The following CENPE variants were observed in gnomAD, a reference collection of about 807,000 sequenced individuals.
CENPE encodes the protein centromere-associated protein E.
Under a neutral mutation model 336.1 loss-of-function variants are expected in CENPE, and 145 were observed. The ratio of observed to expected loss-of-function variants is 0.43; its 90% confidence interval spans 0.38 to 0.50. CENPE has a LOEUF of 0.50. CENPE is among the 20% of genes least tolerant of loss of function. CENPE has a pLI of 0.00. For missense variants in CENPE, 2,719 were observed against 3,023.3 expected, an observed-to-expected ratio of 0.90 and a Z score of 2.36; for synonymous variants, 1,013 against 984.8, an observed-to-expected ratio of 1.03 and a Z score of -0.54.
intron 21 of CENPE, among the ~76,000 whole-genome samples, chr4:103,159,787 C>A (rs1396627990): frequency 1.3e-5 from 2 of 150,832 alleles, no homozygotes; most frequent in African/African-American, 4.9e-5. Context: ...GTGGTATGGT[C>A]CATGAAAAAA....
intron 25 of CENPE, among the ~76,000 whole-genome samples, chr4:103,151,865 T>G (rs1487611770): frequency 6.6e-6 from 1 of 152,168 alleles, no homozygotes; most frequent in Non-Finnish European, 1.5e-5. Context: ...CACAAAAACA[T>G]AACAAGCCAG....
At chr4:103,181,263 T>G (rs1756305123) in intron 12 of CENPE, 74 bp downstream of exon 12, 1 of 1,073,886 alleles carries the variant, frequency 9.3e-7, no homozygotes, top group Non-Finnish European at 1.3e-6. Context: ...GAATGAAGAG[T>G]CTCTGAGCAT....
At chr4:103,124,393 T>A (rs573029787) in intron 42 of CENPE, among the ~76,000 whole-genome samples, 49 of 152,368 alleles carry the variant, frequency 3.2e-4, no homozygotes, top group African/African-American at 1.1e-3. Context: ...ATCTGCAAGA[T>A]GATAATCTCA....
chr4:103,130,455 T>C (rs1478370923), intron 42 of CENPE, among the ~76,000 whole-genome samples: 1 of 152,102 alleles, frequency 6.6e-6, no homozygotes, highest in African/African-American at 2.4e-5. Context: ...TAGGCAAATC[T>C]AACAAATATG....
At chr4:103,128,268 T>C (rs546772794) in intron 42 of CENPE, among the ~76,000 whole-genome samples, 1 of 152,272 alleles carries the variant, frequency 6.6e-6, no homozygotes, top group South Asian at 2.1e-4. Context: ...TTAAAATACT[T>C]GAGGCAAAAA....
intron 40 of CENPE, among the ~76,000 whole-genome samples, chr4:103,135,553 C>T (rs1015615754): frequency 2.6e-5 from 4 of 152,098 alleles, no homozygotes; most frequent in African/African-American, 9.7e-5. Flanking sequence ...TTGTCCTCTC[C>T]AGCCCTGTGA....
Position 103,106,189 on chromosome 4 carries a change from T to A in CENPE, c.*33A>T, listed in dbSNP as rs371147610. 7.2e-7 allele frequency: 1 copy of A among 1,390,628 alleles called. No individual in the cohort carries two copies. The highest frequency in any genetic ancestry group is 9.8e-7 in the Non-Finnish European group (1 of 1,016,898). 86.1% of individuals were successfully genotyped at this position (1,390,628 alleles called of 1,614,324 possible). ...AACAAAGTCATTTCCAAATAAGGAA[T>A]GCTGGATCTCCAGAGAAGTGACAAA... On this transcript the variant is annotated 3_prime_UTR_variant, in exon 49 of 49. Coordinates refer to ENST00000265148, the MANE Select transcript of CENPE (RefSeq NM_001813.3).
chr4:103,190,989 T>C (rs1245538780), intron 8 of CENPE, among the ~76,000 whole-genome samples: 2 of 148,272 alleles, frequency 1.3e-5, no homozygotes, highest in Non-Finnish European at 3.0e-5. Flanking sequence ...GGGCGAAGGA[T>C]ATGAACAGAC....
At chr4:103,186,819 C>T (rs763242594) in intron 8 of CENPE, among the ~76,000 whole-genome samples, 2 of 152,074 alleles carry the variant, frequency 1.3e-5, no homozygotes, top group Non-Finnish European at 1.5e-5. Flanking sequence ...CATTAAGCTG[C>T]GATCTGAATG....
At chr4:103,159,362 A>G (rs1754237854) in intron 21 of CENPE, 38 bp from the exon 22 acceptor site, 1 of 1,191,980 alleles carries the variant, frequency 8.4e-7, no homozygotes, top group Admixed American at 3.6e-5. Flanking sequence ...TGTTAGCAAC[A>G]TATGATTCAC....
chr4:103,108,660 TAC>T, intron 48 of CENPE, 141 bp downstream of exon 48: 1 of 793,060 alleles, frequency 1.3e-6, no homozygotes, highest in Non-Finnish European at 2.0e-6. Context: ...TCAACTTTCT[TAC>T]AGAGTCAGCA....
chr4:103,126,469 T>C (rs901835496), intron 42 of CENPE, among the ~76,000 whole-genome samples: 1 of 152,132 alleles, frequency 6.6e-6, no homozygotes, highest in Non-Finnish European at 1.5e-5. Flanking sequence ...GCCACTACAT[T>C]ACTAAAGGCC....
At chr4:103,113,621 G>T in intron 46 of CENPE, among the ~76,000 whole-genome samples, 2 of 141,276 alleles carry the variant, frequency 1.4e-5, no homozygotes, top group South Asian at 2.2e-4. Context: ...AGAAGTAATA[G>T]ATATATTACT....
Position 103,153,042 on chromosome 4 carries a change from C to T in CENPE, c.3237+5G>A. 6.2e-7 allele frequency: 1 copy of T among 1,602,100 alleles called. No individual in the cohort carries two copies. Among genetic ancestry groups the T allele is most frequent in the East Asian group, 2.2e-5 (1 of 44,664 alleles). On this transcript the variant is annotated splice_donor_5th_base_variant and intron_variant, in intron 25 of 48. Coordinates refer to ENST00000265148, the MANE Select transcript of CENPE (RefSeq NM_001813.3). ...TAATGCCAAGTATACAGTGCTAAAT[C>T]CTACCATTTCAATATTTTCCTTTAG... is the stretch of plus-strand genomic sequence containing the variant.
intron 9 of CENPE, 21 bp from the exon 10 acceptor site, chr4:103,183,309 T>C (rs373389204): frequency 6.3e-7 from 1 of 1,587,934 alleles, no homozygotes; most frequent in Non-Finnish European, 8.6e-7. Flanking sequence ...TAAACAAATA[T>C]GAAAACTAAA....
chr4:103,141,533 T>C (rs1357921582), intron 35 of CENPE, among the ~76,000 whole-genome samples: 1 of 152,164 alleles, frequency 6.6e-6, no homozygotes, highest in East Asian at 1.9e-4. Context: ...AAGGCTGCTA[T>C]AAACATTCTT....
chr4:103,171,905 G>A (rs1440760237), intron 16 of CENPE, among the ~76,000 whole-genome samples: 7 of 151,534 alleles, frequency 4.6e-5, no homozygotes, highest in Non-Finnish European at 3.0e-5. Context: ...TTACCTACCA[G>A]GACTGAATTA....
At chr4:103,106,886 G>T (rs1441794757) in intron 48 of CENPE, among the ~76,000 whole-genome samples, 1 of 151,952 alleles carries the variant, frequency 6.6e-6, no homozygotes, top group Non-Finnish European at 1.5e-5. Context: ...TTAAAGACTG[G>T]TATTAATTCA....
At chr4:103,194,799 G>A in intron 5 of CENPE, 115 bp from the exon 6 acceptor site, 1 of 711,200 alleles carries the variant, frequency 1.4e-6, no homozygotes, top group Non-Finnish European at 2.2e-6. Context: ...GTGGCAAATG[G>A]AACCATAATT....
Sources: allele counts gnomAD v4.1 joint callset (sites outside exome capture counted in the v4.1 genomes callset), GRCh38; gene constraint gnomAD v4.1.1; transcripts MANE v1.5; gene names NCBI Gene and HGNC (gene_info 2026-07-23, HGNC 2026-07-21).